Variants in C3 observed in about 807,000 individuals in gnomAD.
The protein encoded by C3 is complement C3, also known as C3 and PZP-like alpha-2-macroglobulin domain-containing protein 1.
C3 carries 97 observed loss-of-function variants against 207.9 expected under a neutral mutation model. The ratio of observed to expected loss-of-function variants is 0.47; its 90% CI spans 0.40 to 0.55. C3 has a LOEUF of 0.55. C3 is among the 20% of genes least tolerant of loss of function. The pLI is 0.00. For synonymous variants in C3, 848 were observed against 857.6 expected (o/e 0.99, Z 0.20); for missense variants, 1,684 against 2,171.7 (o/e 0.78, Z 4.46).
intron 26 of C3, among the ~76,000 whole-genome samples, 165 bp downstream of exon 26, chr19:6,692,759 G>A (rs1918197986): frequency 6.6e-6 from 1 of 152,110 alleles, no homozygotes. Context: ...TGCAATGCTG[G>A]AGTGACGCCT....
At chr19:6,693,129 G>C in intron 25 of C3, 46 bp from the exon 26 acceptor site, 1 of 1,605,196 alleles carries the variant, frequency 6.2e-7, no homozygotes, top group Non-Finnish European at 8.5e-7. Context: ...GAGATCCAGA[G>C]ACTGCCATGT....
rs1918144119 is a variant in C3, at chr19:6,690,713, G to A, written c.3405C>T (p.Asn1135=). 2 of 1,614,122 alleles carry A rather than the reference G, an allele frequency of 1.2e-6. No homozygotes were observed. Among genetic ancestry groups the A allele is most frequent in the Middle Eastern group, 1.6e-4 (1 of 6,062 alleles). Residue 1135 remains asparagine (N), a synonymous_variant, in exon 27 of 41, where the codon AAC becomes AAT. Coordinates refer to ENST00000245907, the MANE Select transcript of C3 (RefSeq NM_000064.4). ...TGAGGGCCATGTCTTTCTCGTTGTT[G>A]TTCCGTAATCCACCCTGAGATAGAG... ...IHQEMIGGLR[N]NNEKDMALTA... is the part of the protein sequence containing the mutation.
intron 1 of C3, among the ~76,000 whole-genome samples, chr19:6,720,203 G>C (rs1257238648): frequency 2.0e-5 from 3 of 150,898 alleles, no homozygotes; most frequent in Non-Finnish European, 4.4e-5. Context: ...AAACTCTCAG[G>C]CAGCCCAAAT....
intron 15 of C3, 113 bp downstream of exon 15, chr19:6,707,687 G>A: frequency 6.5e-7 from 1 of 1,534,750 alleles, no homozygotes; most frequent in Admixed American, 1.7e-5. Context: ...TTTACTAGGT[G>A]GTGGTGGAGG....
In C3 at chr19:6,682,151, G is replaced by A. The variant is rs960824132; in HGVS notation, c.4251C>T (p.Asp1417=). 1 of 1,613,496 alleles carries A rather than the reference G, an allele frequency of 6.2e-7. No individual in the cohort carries two copies. Residue 1417 remains aspartate (D), a synonymous_variant, in exon 34 of 41, where the codon GAC becomes GAT. Coordinates refer to ENST00000245907, the MANE Select transcript of C3 (RefSeq NM_000064.4). ...CCTGAGCCCTTCATACCTGCTTCAG[G>A]TCATCTGTGTCTGGAGCAAAGCCAG... ...MMTGFAPDTD[D]LKQLANGVDR... is the part of the protein sequence containing the mutation.
Position 6,696,413 on chromosome 19 carries a change from C to T in C3, c.2916G>A (p.Pro972=), listed in dbSNP as rs777849523. Residue 972 remains proline, a synonymous_variant, in exon 23 of 41, where the codon CCG becomes CCA. Transcript: ENST00000245907. ...GAATTCTGGTCTCAGACTCGGTGTC[C>T]GGGACTTGGTCACTGAGGTCTGCAG... is the stretch of plus-strand genomic sequence containing the variant. The part of the protein sequence containing the change: ...IPPADLSDQV[P]DTESETRILL... 4.3e-5 allele frequency: 69 copies of T among 1,613,314 alleles called. 1 individual carries two copies. In the South Asian group the frequency reaches 5.4e-4, roughly 13 times the overall value.
Position 6,694,509 on chromosome 19 carries a change from G to T in C3, c.3076C>A (p.His1026Asn). 2 of 1,614,124 alleles carry T rather than the reference G, an allele frequency of 1.2e-6. No individual in the cohort carries two copies. The highest frequency in any genetic ancestry group is 1.7e-6 in the Non-Finnish European group (2 of 1,179,992). The part of the protein sequence containing the change: ...IGMTPTVIAV[H>N]YLDETEQWEK... Reference sequence around the variant, plus strand: ...CACTGCTCCGTTTCATCCAGGTAATGCACAGCGATGACCGTGGGCGTCATG... The same window carrying T: ...CACTGCTCCGTTTCATCCAGGTAATTCACAGCGATGACCGTGGGCGTCATG... Residue 1026 changes from histidine to asparagine, a missense_variant, in exon 24 of 41, where the codon CAT (histidine) becomes AAT (asparagine). Around this residue, in one of 3 missense-constraint regions of C3, gnomAD observed 1,280 missense variants for 1,739.1 expected, o/e 0.74. Coordinates refer to ENST00000245907, the MANE Select transcript of C3 (RefSeq NM_000064.4).
At chr19:6,716,369 A>G (rs1432055151) in intron 4 of C3, 2 of 152,062 alleles carry the variant, frequency 1.3e-5, no homozygotes, top group Non-Finnish European at 2.9e-5. Context: ...ACAAGCAAGC[A>G]CCACCACACA....
intron 14 of C3, 64 bp from the exon 15 acceptor site, chr19:6,707,993 T>C: frequency 6.3e-7 from 1 of 1,595,932 alleles, no homozygotes; most frequent in East Asian, 2.2e-5. Context: ...ATCCCCCACA[T>C]ATGCACCTGT....
At chr19:6,702,411 G>A in intron 18 of C3, 60 bp downstream of exon 18, 1 of 1,121,056 alleles carries the variant, frequency 8.9e-7, no homozygotes, top group Non-Finnish European at 1.4e-6. Context: ...GATAGCAGGT[G>A]CATGCAAATT....
At chr19:6,686,646 T>G (rs1918016291) in intron 28 of C3, 100 bp downstream of exon 28, 1 of 1,287,370 alleles carries the variant, frequency 7.8e-7, no homozygotes, top group South Asian at 1.2e-5. Flanking sequence ...CTTAGGGTCA[T>G]CTGTCCCAGC....
At chr19:6,682,607 C>T (rs1599498638) in intron 33 of C3, 1 of 308,578 alleles carries the variant, frequency 3.2e-6, no homozygotes, top group Non-Finnish European at 6.3e-6. Context: ...TTTTCAGTAC[C>T]TTGGTATATT....
intron 2 of C3, among the ~76,000 whole-genome samples, chr19:6,718,961 G>T: frequency 8.9e-6 from 1 of 111,936 alleles, no homozygotes; most frequent in South Asian, 4.1e-4. Context: ...GGGCTTAGAA[G>T]GGGAGGAGAT....
At position 6,709,703 on chromosome 19, in the gene C3, T is replaced by G. The variant is rs1330156649; in HGVS notation, c.1826A>C (p.Asn609Thr). 1 of 1,613,440 alleles carries G rather than the reference T, an allele frequency of 6.2e-7. No homozygotes were observed. The highest frequency in any genetic ancestry group is 2.2e-5 in the East Asian group (1 of 44,812). ...DKGVFVLNKK[N>T]KLTQSKIWDV... Reference sequence around the variant, plus strand: ...CCTTACCTTACTCTGCGTCAGTTTGTTCTTCTTATTCAGCACGAACACGCC... The same window carrying G: ...CCTTACCTTACTCTGCGTCAGTTTGGTCTTCTTATTCAGCACGAACACGCC... Residue 609 changes from asparagine (N) to threonine (T), a missense_variant, in exon 14 of 41, where the codon AAC (asparagine) becomes ACC (threonine). This residue lies in a region of C3 where 1,280 missense variants were observed against 1,739.1 expected (regional missense o/e 0.74). Transcript: ENST00000245907.
rs1968089454 is a variant in C3, at chr19:6,718,399, C to T, written c.281G>A (p.Arg94Lys). The T allele has an allele frequency of 6.2e-7, 1 of 1,614,196 alleles. No individual in the cohort carries two copies. Among genetic ancestry groups the T allele is most frequent in the East Asian group, 2.2e-5 (1 of 44,874 alleles). The change falls in exon 3 of 41, where the codon AGG (arginine) becomes AAG (lysine). Residue 94 changes from arginine (R) to lysine (K), a missense_variant. Around this residue, in one of 3 missense-constraint regions of C3, gnomAD observed 1,280 missense variants for 1,739.1 expected, o/e 0.74. Coordinates refer to ENST00000245907, the MANE Select transcript of C3 (RefSeq NM_000064.4). Reference protein sequence around the residue: ...GNVTFTIPANREFKSEKGRNK... With the variant: ...GNVTFTIPANKEFKSEKGRNK... ...GCGCCCCTTTTCTGACTTGAACTCC[C>T]TGTTGGCTGGGATCTAGGCGTGGGC...
Position 6,693,938 on chromosome 19 carries a change from GGC to G in C3, c.3155-453_3155-452del, listed in dbSNP as rs532057340. 4.1e-5 allele frequency among the ~76,000 whole-genome samples: 6 copies of G among 145,112 alleles called. No homozygotes were observed. In the South Asian group the frequency reaches 1.3e-3, roughly 31 times the overall value. On this transcript the variant is annotated intron_variant, in intron 24 of 40. Coordinates refer to ENST00000245907, the MANE Select transcript of C3 (RefSeq NM_000064.4). ...GAGATTCTGGCCTGGGAGGAGTCAG[GGC>G]CTCAGAGGGCGTGGCCTTGAGAAGA...
chr19:6,701,289 T>G (rs1967667532), intron 19 of C3, among the ~76,000 whole-genome samples: 2 of 152,098 alleles, frequency 1.3e-5, no homozygotes, highest in African/African-American at 4.8e-5. Flanking sequence ...AACACACCTC[T>G]GGGTGGAGAT....
intron 29 of C3, among the ~76,000 whole-genome samples, chr19:6,685,468 G>C (rs1348357079): frequency 6.6e-6 from 1 of 152,166 alleles, no homozygotes; most frequent in Admixed American, 6.5e-5. Context: ...TCTTAGACCA[G>C]GGCTTGGAGA....
intron 9 of C3, 122 bp from the exon 10 acceptor site, chr19:6,712,745 C>T (rs1967946394): frequency 1.2e-6 from 1 of 836,564 alleles, no homozygotes; most frequent in African/African-American, 1.7e-5. Flanking sequence ...CACTTTCATA[C>T]TGGGCCTGTG....
Sources: allele counts gnomAD v4.1 joint callset (sites outside exome capture counted in the v4.1 genomes callset), GRCh38; gene constraint gnomAD v4.1.1; regional missense constraint gnomAD v4.1.1; transcripts MANE v1.5; gene names NCBI Gene and HGNC (gene_info 2026-07-23, HGNC 2026-07-21).